NOTCH2NLR: variants seen among roughly 807,000 people sequenced by gnomAD.
NOTCH2NLR encodes the protein notch 2 N-terminal like R (pseudogene).
A neutral mutation model predicts 35.6 loss-of-function variants in NOTCH2NLR; 33 were observed. The observed-to-expected ratio is 0.93, with a 90% CI of 0.70 to 1.24. NOTCH2NLR has a LOEUF of 1.24. Ranked by LOEUF, NOTCH2NLR falls within the 50% of genes most tolerant of loss-of-function variation. The probability of loss-of-function intolerance (pLI) is 0.00; values close to 1 mark genes in which losing one functional copy is unlikely to be tolerated. For synonymous variants in NOTCH2NLR, 103 were observed against 141.0 expected, an observed-to-expected ratio of 0.73 and a Z score of 1.91; for missense variants, 276 against 362.2, an observed-to-expected ratio of 0.76 and a Z score of 1.93.
exon 3 of NOTCH2NLR, chr1:120,785,049 G>T: frequency 6.9e-7 from 1 of 1,445,498 alleles, no homozygotes; most frequent in Non-Finnish European, 9.2e-7. Flanking sequence ...AGAATGGTGG[G>T]ACTTGTGTGG....
At position 120,724,825 on chromosome 1, in the gene NOTCH2NLR, G is replaced by C. The variant is rs1357450155; in HGVS notation, c.73+575G>C. Among the ~76,000 whole-genome samples, 34 of 90,654 alleles carry C rather than the reference G, an allele frequency of 3.8e-4. 1 individual carries two copies. The highest frequency in any genetic ancestry group is 2.0e-3 in the African/African-American group (30 of 15,128). 59.5% of individuals were successfully genotyped at this position (90,654 alleles called of 152,430 possible). A position where few individuals can be genotyped will look rare whatever the true frequency, so the allele number is the denominator to read the frequency against. Reference sequence around the variant, plus strand: ...GACACTCCAACCCCACCGAAAGTCCGGGGGAGCCGTGTGTGCTGCTCGCGT... The same window carrying C: ...GACACTCCAACCCCACCGAAAGTCCCGGGGAGCCGTGTGTGCTGCTCGCGT... On this transcript the variant is annotated intron_variant, in intron 1 of 4. Transcript: ENST00000624419.
In NOTCH2NLR at chr1:120,793,160, G is replaced by A; in HGVS notation, c.416-1G>A. 1.4e-6 allele frequency: 2 copies of A among 1,396,696 alleles called. 1 individual carries two copies. 86.5% of individuals were successfully genotyped at this position (1,396,696 alleles called of 1,614,324 possible). A position where few individuals can be genotyped will look rare whatever the true frequency, so the allele number is the denominator to read the frequency against. On this transcript the variant is annotated splice_acceptor_variant, in intron 3 of 4. Transcript: ENST00000624419. LOFTEE classifies it high-confidence loss of function. ...ACTGAGTTTTGTTATCCTTCCTTTA[G>A]GTAAGGAGTGCCAATGGACCGATGC... is the stretch of plus-strand genomic sequence containing the variant.
chr1:120,793,661 G>A (rs1651521255), intron 4 of NOTCH2NLR, 86 bp from the exon 5 acceptor site: 2 of 613,888 alleles, frequency 3.3e-6, no homozygotes, highest in Admixed American at 2.5e-5. Context: ...GCCCACTGTG[G>A]TCCATAAACT....
rs1651164104 is a variant in NOTCH2NLR at position 120,764,179 on chromosome 1, G to A, written c.155+470G>A. Among the ~76,000 whole-genome samples the A allele has an allele frequency of 1.7e-5, 2 of 114,610 alleles. 1 individual carries two copies. The highest frequency in any genetic ancestry group is 1.7e-4 in the Admixed American group (2 of 11,898). 75.2% of individuals were successfully genotyped at this position (114,610 alleles called of 152,430 possible). A position where few individuals can be genotyped will look rare whatever the true frequency, so the allele number is the denominator to read the frequency against. Reference sequence around the variant, plus strand: ...GGAGAGTGACTTGAACCCAGGAGGCGGAGGTTGCAGTGAGCTGAGACCACA... The same window carrying A: ...GGAGAGTGACTTGAACCCAGGAGGCAGAGGTTGCAGTGAGCTGAGACCACA... On this transcript the variant is annotated intron_variant, in intron 2 of 4. Coordinates refer to ENST00000624419, the Ensembl canonical transcript of NOTCH2NLR.
At chr1:120,724,681 C>G (rs1419288284) in intron 1 of NOTCH2NLR, among the ~76,000 whole-genome samples, 1 of 124,458 alleles carries the variant, frequency 8.0e-6, no homozygotes, top group Non-Finnish European at 1.6e-5. Flanking sequence ...GGCAGGGCCG[C>G]CAAGCCAAAC....
rs1651469404 is a variant in NOTCH2NLR, at chr1:120,790,238, T to C, written c.416-2923T>C. On this transcript the variant is annotated intron_variant, in intron 3 of 4. Transcript: ENST00000624419. ...ACCTTGTTAGCCAGAATGGTCTGGATCGCCTGACCTCATGATCCACCCGCC... is the reference window on the plus strand; with the variant it reads ...ACCTTGTTAGCCAGAATGGTCTGGACCGCCTGACCTCATGATCCACCCGCC... Among the ~76,000 whole-genome samples, 6 of 106,420 alleles carry C rather than the reference T, an allele frequency of 5.6e-5. 2 individuals are homozygous for C. The highest frequency in any genetic ancestry group is 5.4e-4 in the Admixed American group (6 of 11,012). 69.8% of individuals were successfully genotyped at this position (106,420 alleles called of 152,430 possible).
In NOTCH2NLR at chr1:120,784,924, G is replaced by C. The variant is rs1462379315; in HGVS notation, c.156-50G>C. On this transcript the variant is annotated intron_variant, in intron 2 of 4. Coordinates refer to ENST00000624419, the Ensembl canonical transcript of NOTCH2NLR. ...TGTATTGTTTTACTGTAATTTTTTGGACTTACAAGAAGTCAGGTGTTTTCA... is the reference window on the plus strand; with the variant it reads ...TGTATTGTTTTACTGTAATTTTTTGCACTTACAAGAAGTCAGGTGTTTTCA... 2.8e-5 allele frequency: 31 copies of C among 1,108,298 alleles called. 7 individuals carry two copies. The highest frequency in any genetic ancestry group is 3.2e-5 in the Non-Finnish European group (25 of 788,910). The allele number at this position is 1,108,298 out of a possible 1,614,324, so 68.7% of individuals were successfully genotyped here.
rs1651365723 is a variant in NOTCH2NLR at position 120,781,852 on chromosome 1, C to T, written c.156-3122C>T. 1.7e-5 allele frequency among the ~76,000 whole-genome samples: 2 copies of T among 117,592 alleles called. 1 individual carries two copies. Among genetic ancestry groups the T allele is most frequent in the Non-Finnish European group, 3.3e-5 (2 of 60,898 alleles). The allele number at this position is 117,592 out of a possible 152,430, so 77.1% of individuals were successfully genotyped here. On this transcript the variant is annotated intron_variant, in intron 2 of 4. Transcript: ENST00000624419. ...AGATTACTGGTGTGAGCCACCGCAC[C>T]TGGCTTAGCTGTAAAATCTTAATCT...
chr1:120,745,244 G>GGTA (rs1650968887), intron 1 of NOTCH2NLR, among the ~76,000 whole-genome samples: 2 of 108,358 alleles, frequency 1.8e-5, no homozygotes, highest in South Asian at 5.2e-4. Context: ...GACCACGAAT[G>GGTA]GGTCATGAAA....
At chr1:120,767,805 G>T (rs1164723798) in intron 2 of NOTCH2NLR, among the ~76,000 whole-genome samples, 1 of 111,828 alleles carries the variant, frequency 8.9e-6, no homozygotes, top group Non-Finnish European at 1.7e-5. Flanking sequence ...GACAACTCAA[G>T]TTCACTAGGA....
rs1203185924 is a variant in NOTCH2NLR, at chr1:120,784,984, G to A, written c.166G>A (p.Gly56Ser). The change falls in exon 3 of 5, where the codon GGC (glycine) becomes AGC (serine). Residue 56 changes from glycine (G) to serine (S), a missense_variant. Transcript: ENST00000624419. ...CTCTTTTCCATACAGATGTCCAGAA[G>A]GCTTCTTGGGGGAATATTGTCAACA... The A allele has an allele frequency of 7.1e-6, 10 of 1,417,650 alleles. 2 individuals are homozygous for A. The highest frequency in any genetic ancestry group is 8.5e-6 in the Non-Finnish European group (9 of 1,058,430). 87.8% of individuals were successfully genotyped at this position (1,417,650 alleles called of 1,614,324 possible).
At position 120,770,249 on chromosome 1, in the gene NOTCH2NLR, A is replaced by C. The variant is rs1383221850; in HGVS notation, c.155+6540A>C. 4.8e-5 allele frequency among the ~76,000 whole-genome samples: 5 copies of C among 103,832 alleles called. 1 individual carries two copies. The highest frequency in any genetic ancestry group is 8.9e-5 in the Non-Finnish European group (5 of 55,928). 68.1% of individuals were successfully genotyped at this position (103,832 alleles called of 152,430 possible). ...CAGTGGCGCTTTCTTGGCTCACTGC[A>C]AGCTCCGCCTCCCGGGTTCATGCCA... On this transcript the variant is annotated intron_variant, in intron 2 of 4. Transcript: ENST00000624419.
intron 1 of NOTCH2NLR, among the ~76,000 whole-genome samples, chr1:120,759,817 A>AT (rs1651114553): frequency 8.6e-6 from 1 of 116,162 alleles, no homozygotes; most frequent in Non-Finnish European, 1.6e-5. Context: ...CATCTCAAAT[A>AT]TTTAACATTT....
chr1:120,760,276 C>A, intron 1 of NOTCH2NLR, among the ~76,000 whole-genome samples: 1 of 77,976 alleles, frequency 1.3e-5, no homozygotes. Flanking sequence ...CAACCTCCGC[C>A]CCCCAGGTTC....
rs1478480954 is a variant in NOTCH2NLR, at chr1:120,778,436, A to C, written c.156-6538A>C. ...TGAGGAGCAGCTTCAGTGCCGACGC[A>C]ACCCACATGAGACTTTTTTTTCCCC... On this transcript the variant is annotated intron_variant, in intron 2 of 4. Transcript: ENST00000624419. Among the ~76,000 whole-genome samples the C allele has an allele frequency of 1.8e-5, 2 of 112,006 alleles. 1 individual carries two copies. The allele number at this position is 112,006 out of a possible 152,430, so 73.5% of individuals were successfully genotyped here. A position where few individuals can be genotyped will look rare whatever the true frequency, so the allele number is the denominator to read the frequency against.
chr1:120,785,140 C>A, exon 3 of NOTCH2NLR: 1 of 1,446,680 alleles, frequency 6.9e-7, no homozygotes, highest in Non-Finnish European at 9.2e-7. Context: ...GACACCTCAT[C>A]CATGCTTTGT....
At chr1:120,728,828 A>G (rs1650844362) in intron 1 of NOTCH2NLR, among the ~76,000 whole-genome samples, 1 of 111,268 alleles carries the variant, frequency 9.0e-6, no homozygotes, top group Non-Finnish European at 1.7e-5. Flanking sequence ...TTTTTTTTGA[A>G]CCAAGAGAGT....
chr1:120,756,466 G>A (rs1197027188), intron 1 of NOTCH2NLR, among the ~76,000 whole-genome samples: 2 of 117,048 alleles, frequency 1.7e-5, no homozygotes, highest in Non-Finnish European at 3.3e-5. Flanking sequence ...TTGAGCAGTG[G>A]GTCTAAGCAC....
At chr1:120,752,535 T>TAC (rs1651028889) in intron 1 of NOTCH2NLR, among the ~76,000 whole-genome samples, 2 of 14,694 alleles carry the variant, frequency 1.4e-4, no homozygotes, top group Non-Finnish European at 2.4e-4. Context: ...TATATATATA[T>TAC]ATATATATAT....
Sources: gnomAD v4.1 joint callset for allele counts (sites outside exome capture counted in the v4.1 genomes callset) on GRCh38, gnomAD v4.1.1 for gene constraint, MANE v1.5 for transcripts, NCBI Gene and HGNC (gene_info 2026-07-23, HGNC 2026-07-21) for gene names.